The following NRXN3 variants were observed in gnomAD, a reference collection of about 807,000 sequenced individuals.
The protein encoded by NRXN3 is neurexin 3.
NRXN3 carries 32 observed loss-of-function variants against 137.6 expected under a neutral mutation model. That is an observed-to-expected ratio of 0.23 (90% confidence interval 0.18 to 0.31). The LOEUF (loss-of-function observed/expected upper bound fraction) is 0.31. Among genes scored for constraint, NRXN3 ranks in the 10% least tolerant of loss-of-function variants. The probability of loss-of-function intolerance (pLI) is 1.00; values close to 1 mark genes in which losing one functional copy is unlikely to be tolerated. For missense variants in NRXN3, 1,574 were observed against 2,062.5 expected (o/e 0.76, Z 4.59); for synonymous variants, 798 against 784.5 (o/e 1.02, Z -0.29).
intron 6 of NRXN3, among the ~76,000 whole-genome samples, chr14:78,683,997 A>G (rs76072929): frequency 0.011 from 1,604 of 152,276 alleles, 12 homozygotes; most frequent in East Asian, 0.028. Context: ...AGTTAACTCT[A>G]AAGGAAGGAT....
intron 10 of NRXN3, among the ~76,000 whole-genome samples, chr14:78,906,491 C>G (rs1489372170): frequency 6.6e-6 from 1 of 152,096 alleles, no homozygotes; most frequent in Non-Finnish European, 1.5e-5. Context: ...TAATCAGACC[C>G]TTTTCTGAAC....
At chr14:78,609,942 G>A (rs1446920375) in intron 4 of NRXN3, among the ~76,000 whole-genome samples, 1 of 151,918 alleles carries the variant, frequency 6.6e-6, no homozygotes, top group East Asian at 1.9e-4. Flanking sequence ...CCAGCAAACA[G>A]GGATCCTTGA....
At chr14:78,950,944 G>A (rs954418990) in intron 10 of NRXN3, among the ~76,000 whole-genome samples, 1 of 152,040 alleles carries the variant, frequency 6.6e-6, no homozygotes, top group Admixed American at 6.6e-5. Flanking sequence ...CCTTTTCAGT[G>A]AGGCTGTTTT....
At chr14:78,994,319 A>T (rs1163822677) in intron 15 of NRXN3, among the ~76,000 whole-genome samples, 1 of 152,162 alleles carries the variant, frequency 6.6e-6, no homozygotes, top group South Asian at 2.1e-4. Flanking sequence ...CATGGTTCAG[A>T]TCACATTCTG....
chr14:78,596,324 A>G (rs2097157746), intron 4 of NRXN3, among the ~76,000 whole-genome samples: 1 of 151,938 alleles, frequency 6.6e-6, no homozygotes, highest in Non-Finnish European at 1.5e-5. Flanking sequence ...CTTGATCTCC[A>G]GGCAAGTGAG....
intron 15 of NRXN3, among the ~76,000 whole-genome samples, chr14:79,118,630 A>G (rs2054875879): frequency 6.6e-6 from 1 of 152,252 alleles, no homozygotes; most frequent in East Asian, 1.9e-4. Flanking sequence ...TTATTGTTAT[A>G]AACCATTTTG....
At chr14:78,609,202 A>C (rs1301669258) in intron 4 of NRXN3, among the ~76,000 whole-genome samples, 1 of 152,066 alleles carries the variant, frequency 6.6e-6, no homozygotes, top group Admixed American at 6.5e-5. Context: ...TCCTATTTAC[A>C]CGTGGAAAGA....
chr14:79,545,121 C>T (rs2097307188), intron 16 of NRXN3, among the ~76,000 whole-genome samples: 1 of 152,126 alleles, frequency 6.6e-6, no homozygotes, highest in Non-Finnish European at 1.5e-5. Flanking sequence ...TGTTTTCAAG[C>T]CCCATTGATT....
chr14:78,569,441 AT>A (rs1459452982), intron 4 of NRXN3, among the ~76,000 whole-genome samples: 1 of 149,664 alleles, frequency 6.7e-6, no homozygotes, highest in African/African-American at 2.5e-5. Flanking sequence ...AATTTTTTGT[AT>A]TTTTAGTAGA....
At chr14:78,591,181 G>A (rs551180625) in intron 4 of NRXN3, among the ~76,000 whole-genome samples, 2 of 152,268 alleles carry the variant, frequency 1.3e-5, no homozygotes, top group South Asian at 2.1e-4. Flanking sequence ...TGTGGGAGTC[G>A]AGTGGTCAGT....
chr14:78,682,376 C>T (rs1602364073), intron 6 of NRXN3, among the ~76,000 whole-genome samples: 1 of 149,730 alleles, frequency 6.7e-6, no homozygotes, highest in South Asian at 2.1e-4. Context: ...ACCTGCATAT[C>T]TTCCCTGCAC....
chr14:79,697,923 A>G lies in NRXN3; in HGVS notation c.4000A>G (p.Thr1334Ala), dbSNP rs1053933567. The G allele has an allele frequency of 1.1e-5, 17 of 1,610,058 alleles. No homozygotes were observed. The highest frequency in any genetic ancestry group is 1.4e-5 in the Non-Finnish European group (17 of 1,176,748). Residue 1334 changes from threonine to alanine, a missense_variant, in exon 19 of 21, where the codon ACA becomes GCA. Thr to Ala is a moderately conservative substitution (Grantham distance 58, BLOSUM62 0). Around this residue, in one of 5 missense-constraint regions of NRXN3, gnomAD observed 320 missense variants for 387.1 expected, o/e 0.83. Transcript: ENST00000335750. ...ATTTTRKNRS[T>A]ASIQPTSDDL... ...TACCACAACCCGTAAGAATCGCTCT[A>G]CAGCCAGCATTCAGGTAGGCCTTTT...
chr14:78,224,928 G>A (rs538794966), intron 1 of NRXN3, among the ~76,000 whole-genome samples: 18 of 145,400 alleles, frequency 1.2e-4, no homozygotes, highest in Middle Eastern at 3.5e-3. Context: ...CACCGTGCCC[G>A]GCTAATTTTT....
intron 16 of NRXN3, among the ~76,000 whole-genome samples, chr14:79,521,141 G>C (rs1352345171): frequency 6.6e-6 from 1 of 151,930 alleles, no homozygotes; most frequent in Non-Finnish European, 1.5e-5. Flanking sequence ...TCTTTTAATA[G>C]GTATATTAAG....
intron 15 of NRXN3, among the ~76,000 whole-genome samples, chr14:79,164,331 A>G (rs755223627): frequency 6.6e-6 from 1 of 152,044 alleles, no homozygotes; most frequent in East Asian, 1.9e-4. Context: ...CAAGCAAAAC[A>G]TGGTTAAATC....
intron 6 of NRXN3, among the ~76,000 whole-genome samples, chr14:78,687,400 G>A (rs950705551): frequency 2.0e-5 from 3 of 152,204 alleles, no homozygotes; most frequent in African/African-American, 7.2e-5. Flanking sequence ...GTGGATTAGA[G>A]TAGAAGTGAT....
chr14:79,503,953 A>G (rs1428656377), intron 16 of NRXN3, among the ~76,000 whole-genome samples: 3 of 152,090 alleles, frequency 2.0e-5, no homozygotes, highest in African/African-American at 7.2e-5. Flanking sequence ...CTCCATTTTT[A>G]TTTCCTTTGT....
chr14:78,264,369 G>A (rs1336705841), intron 2 of NRXN3, among the ~76,000 whole-genome samples: 1 of 152,140 alleles, frequency 6.6e-6, no homozygotes, highest in African/African-American at 2.4e-5. Context: ...ACTTCTCCAT[G>A]CTTCCTAGCT....
intron 19 of NRXN3, among the ~76,000 whole-genome samples, chr14:79,718,400 A>C (rs1032483482): frequency 2.0e-5 from 3 of 152,218 alleles, no homozygotes; most frequent in Admixed American, 2.0e-4. Flanking sequence ...TGTGGAAAGC[A>C]GTTTAGGTTT....
Sources: gnomAD v4.1 joint callset for allele counts (sites outside exome capture counted in the v4.1 genomes callset) on GRCh38, gnomAD v4.1.1 for gene constraint, gnomAD v4.1.1 regional missense constraint, MANE v1.5 for transcripts, NCBI Gene and HGNC (gene_info 2026-07-23, HGNC 2026-07-21) for gene names.